The following DTL variants were observed in gnomAD, a reference collection of about 807,000 sequenced individuals.
The protein encoded by DTL is denticleless E3 ubiquitin protein ligase adapter, also known as denticleless protein homolog.
In DTL, 46 loss-of-function variants were observed where a neutral mutation model predicts 87.0. The observed-to-expected ratio is 0.53, with a 90% CI of 0.42 to 0.68. The LOEUF is 0.68. Among genes scored for constraint, DTL ranks in the 30% least tolerant of loss-of-function variants. DTL has a pLI of 0.00. For missense variants in DTL, 737 were observed against 869.4 expected (o/e 0.85, Z 1.91); for synonymous variants, 308 against 311.2 (o/e 0.99, Z 0.11).
intron 10 of DTL, among the ~76,000 whole-genome samples, chr1:212,069,975 C>T (rs533079808): frequency 7.2e-5 from 11 of 152,286 alleles, no homozygotes; most frequent in Middle Eastern, 3.4e-3. Flanking sequence ...GTCTAGTTTT[C>T]TCTAAACAGG....
chr1:212,081,928 C>A (rs1420764419), intron 13 of DTL, among the ~76,000 whole-genome samples: 2 of 152,190 alleles, frequency 1.3e-5, no homozygotes, highest in Admixed American at 1.3e-4. Context: ...ATGTTTAATT[C>A]TGCAGTTCAG....
At chr1:212,079,314 T>C (rs1315566847) in intron 12 of DTL, among the ~76,000 whole-genome samples, 1 of 152,100 alleles carries the variant, frequency 6.6e-6, no homozygotes, top group Non-Finnish European at 1.5e-5. Flanking sequence ...TTATGTTATC[T>C]TTTTTTCAAT....
At chr1:212,097,757 G>A (rs1277830269) in intron 13 of DTL, among the ~76,000 whole-genome samples, 1 of 151,986 alleles carries the variant, frequency 6.6e-6, no homozygotes, top group Non-Finnish European at 1.5e-5. Flanking sequence ...ATCCATTGCT[G>A]GTAAGCTAGT....
Position 212,035,940 on chromosome 1 carries a change from A to G in DTL, c.50A>G (p.Asn17Ser). The change falls in exon 1 of 15, where the codon AAT (asparagine) becomes AGT (serine). Residue 17 changes from asparagine (N) to serine (S), a missense_variant and splice_region_variant. Asn to Ser is a conservative substitution (Grantham distance 46, BLOSUM62 1). Transcript: ENST00000366991. ...LRQPQLGVLR[N>S]GWSSQYPLQS... is the part of the protein sequence containing the mutation. ...CAGCCCCAGCTTGGCGTCCTGAGAA[A>G]TGGTGAGTAACGGTCCCAACCGCTG... is the stretch of plus-strand genomic sequence containing the variant. 1 of 1,614,122 alleles carries G rather than the reference A, an allele frequency of 6.2e-7. No individual in the cohort carries two copies. Among genetic ancestry groups the G allele is most frequent in the Non-Finnish European group, 8.5e-7 (1 of 1,179,988 alleles).
chr1:212,053,940 G>GT (rs1668077832), intron 5 of DTL, among the ~76,000 whole-genome samples: 1 of 152,072 alleles, frequency 6.6e-6, no homozygotes, highest in Admixed American at 6.5e-5. Context: ...CTGGCTCTTT[G>GT]TAAGTCAAGT....
At chr1:212,057,421 A>G (rs1668210985) in intron 5 of DTL, among the ~76,000 whole-genome samples, 1 of 152,022 alleles carries the variant, frequency 6.6e-6, no homozygotes, top group Admixed American at 6.5e-5. Context: ...CTTCATAAAT[A>G]AAAGAGAAAT....
rs561986101 is a variant in DTL at position 212,068,674 on chromosome 1, T to A, written c.893T>A (p.Phe298Tyr). 34 of 1,611,916 alleles carry A rather than the reference T, an allele frequency of 2.1e-5. No individual in the cohort carries two copies. In the East Asian group the frequency reaches 6.7e-4, roughly 32 times the overall value. ...TGCACAGACGATAACATCTACATGT[T>A]TAATATGACTGGGTTGAAGACTTCT... The part of the protein sequence containing the change: ...ANCTDDNIYM[F>Y]NMTGLKTSPV... The change falls in exon 10 of 15, where the codon TTT becomes TAT. Residue 298 changes from phenylalanine to tyrosine, a missense_variant. By Grantham distance (22) the Phe-to-Tyr change is conservative (BLOSUM62 3). Coordinates refer to ENST00000366991, the MANE Select transcript of DTL (RefSeq NM_016448.4).
intron 3 of DTL, 109 bp from the exon 4 acceptor site, chr1:212,047,042 A>T (rs1667827579): frequency 1.1e-6 from 1 of 912,364 alleles, no homozygotes; most frequent in African/African-American, 1.7e-5. Flanking sequence ...CTAATGATCA[A>T]CTACTGATCT....
In DTL at chr1:212,035,840, G is replaced by T; in HGVS notation, c.-51G>T. On this transcript the variant is annotated 5_prime_UTR_variant, in exon 1 of 15. Coordinates refer to ENST00000366991, the MANE Select transcript of DTL (RefSeq NM_016448.4). ...GCAAGCTGCGATTTCTGCTGAACTT[G>T]GAGGCATTTCTACGACTTTTCTCTC... 6.4e-7 allele frequency: 1 copy of T among 1,574,116 alleles called. No homozygotes were observed. Among genetic ancestry groups the T allele is most frequent in the Non-Finnish European group, 8.7e-7 (1 of 1,143,942 alleles).
intron 13 of DTL, among the ~76,000 whole-genome samples, chr1:212,092,281 T>C (rs1243414402): frequency 2.0e-5 from 3 of 152,222 alleles, no homozygotes; most frequent in Non-Finnish European, 1.5e-5. Flanking sequence ...ATGCCTGTAA[T>C]CCTAGCACTT....
rs754671682 is a variant in DTL at position 212,100,894 on chromosome 1, C to G, written c.1904C>G (p.Thr635Arg). Residue 635 changes from threonine to arginine, a missense_variant, in exon 14 of 15, where the codon ACG (threonine) becomes AGG (arginine). Transcript: ENST00000366991. The stretch of plus-strand genomic sequence containing the variant: ...CCGTATGCTTCAGAAAGCTGTGGAA[C>G]GCTACCTCTTCCTTTGAGACCTTGT... ...ISPYASESCG[T>R]LPLPLRPCGE... 43 of 1,614,140 alleles carry G rather than the reference C, an allele frequency of 2.7e-5. No homozygotes were observed. The highest frequency in any genetic ancestry group is 3.4e-5 in the Non-Finnish European group (40 of 1,180,012).
Position 212,102,911 on chromosome 1 carries a change from T to G in DTL, c.2164T>G (p.Cys722Gly). The change falls in exon 15 of 15, where the codon TGT (cysteine) becomes GGT (glycine). Residue 722 changes from cysteine to glycine, a missense_variant. Cys to Gly is a radical substitution (Grantham distance 159, BLOSUM62 -3). Coordinates refer to ENST00000366991, the MANE Select transcript of DTL (RefSeq NM_016448.4). ...CCATAGAAAGTCCCAGGAGGACTTC[T>G]GTGGTCCTGAACACTCAACAGAATT... Reference protein sequence around the residue: ...YFHRKSQEDFCGPEHSTEL With the variant: ...YFHRKSQEDFGGPEHSTEL The G allele has an allele frequency of 6.2e-7, 1 of 1,610,392 alleles. No homozygotes were observed. The highest frequency in any genetic ancestry group is 8.5e-7 in the Non-Finnish European group (1 of 1,176,838).
At position 212,047,145 on chromosome 1, in the gene DTL, G is replaced by A. The variant is rs1667831001; in HGVS notation, c.278-6G>A. 4 of 1,613,726 alleles carry A rather than the reference G, an allele frequency of 2.5e-6. No homozygotes were observed. The highest frequency in any genetic ancestry group is 3.4e-6 in the Non-Finnish European group (4 of 1,179,654). On this transcript the variant is annotated splice_polypyrimidine_tract_variant and splice_region_variant and intron_variant, in intron 3 of 14. Coordinates refer to ENST00000366991, the MANE Select transcript of DTL (RefSeq NM_016448.4). ...ACATTTCACATTTACCATTTTCTTT[G>A]TTTAGAATGGATGGCTCACTGGAAT... is the stretch of plus-strand genomic sequence containing the variant.
chr1:212,066,276 G>A (rs1187288680), intron 7 of DTL, among the ~76,000 whole-genome samples: 1 of 152,080 alleles, frequency 6.6e-6, no homozygotes, highest in East Asian at 1.9e-4. Context: ...GAAGCAGATA[G>A]TAGAGGCCAT....
At position 212,072,087 on chromosome 1, in the gene DTL, T is replaced by C. The variant is rs878887714; in HGVS notation, c.923-14T>C. 2.5e-6 allele frequency: 4 copies of C among 1,609,418 alleles called. No individual in the cohort carries two copies. Among genetic ancestry groups the C allele is most frequent in the Middle Eastern group, 3.3e-4 (2 of 6,048 alleles). ...TAACAAGAGCCAAGTAATTTGGTTT[T>C]TTTCCTCTGGCAGTGGCTATTTTCA... On this transcript the variant is annotated splice_polypyrimidine_tract_variant and intron_variant, in intron 10 of 14. Coordinates refer to ENST00000366991, the MANE Select transcript of DTL (RefSeq NM_016448.4).
Position 212,068,307 on chromosome 1 carries a change from G to A in DTL, c.797G>A (p.Gly266Asp). The change falls in exon 9 of 15, where the codon GGT (glycine) becomes GAT (aspartate). Residue 266 changes from glycine to aspartate, a missense_variant. Transcript: ENST00000366991. ...GCATCCAAGTCTTTCCTGTACCCAG[G>A]TAGCAGCACTCGAAAACTTGGTAAG... ...PIASKSFLYPGSSTRKLGYSS... is the reference protein window; with the variant it reads ...PIASKSFLYPDSSTRKLGYSS... 1 of 1,608,624 alleles carries A rather than the reference G, an allele frequency of 6.2e-7. No individual in the cohort carries two copies. The highest frequency in any genetic ancestry group is 1.3e-5 in the African/African-American group (1 of 74,532).
chr1:212,055,015 A>G (rs909847000), intron 5 of DTL, among the ~76,000 whole-genome samples: 1 of 152,206 alleles, frequency 6.6e-6, no homozygotes, highest in African/African-American at 2.4e-5. Flanking sequence ...GGCTGACTAG[A>G]TGCATCTGGT....
At chr1:212,073,955 T>C (rs1292199787) in intron 11 of DTL, among the ~76,000 whole-genome samples, 3 of 152,056 alleles carry the variant, frequency 2.0e-5, no homozygotes, top group African/African-American at 4.8e-5. Context: ...GCTCACTGTC[T>C]TGCCTATGTT....
At chr1:212,080,593 C>G (rs1184546283) in intron 12 of DTL, 22 bp from the exon 13 acceptor site, 2 of 1,592,600 alleles carry the variant, frequency 1.3e-6, no homozygotes. Flanking sequence ...TTCTTAATTC[C>G]CTTCTTGGTA....
Sources: allele counts gnomAD v4.1 joint callset (sites outside exome capture counted in the v4.1 genomes callset), GRCh38; gene constraint gnomAD v4.1.1; transcripts MANE v1.5; gene names NCBI Gene and HGNC (gene_info 2026-07-23, HGNC 2026-07-21).